HS3ST4: variants seen among roughly 807,000 people sequenced by gnomAD.
HS3ST4 encodes heparan sulfate-glucosamine 3-sulfotransferase 4.
Under a neutral mutation model 29.2 loss-of-function variants are expected in HS3ST4, and 17 were observed. That is an observed-to-expected ratio of 0.58 (90% CI 0.40 to 0.87). The LOEUF is 0.87. HS3ST4 is among the 40% of genes least tolerant of loss of function. HS3ST4 has a pLI of 0.00. For synonymous variants in HS3ST4, 314 were observed against 285.7 expected, an observed-to-expected ratio of 1.10 and a Z score of -1.00; for missense variants, 627 against 634.5, an observed-to-expected ratio of 0.99 and a Z score of 0.13.
chr16:25,877,091 C>G (rs1434602165), intron 1 of HS3ST4, among the ~76,000 whole-genome samples: 1 of 151,916 alleles, frequency 6.6e-6, no homozygotes, highest in Non-Finnish European at 1.5e-5. Context: ...TTTCCTGCAT[C>G]TTTCTTTGCT....
At chr16:26,117,801 A>G (rs1899219801) in intron 1 of HS3ST4, among the ~76,000 whole-genome samples, 1 of 152,208 alleles carries the variant, frequency 6.6e-6, no homozygotes. Flanking sequence ...TTAATCATTT[A>G]TTTGTTCACT....
chr16:26,002,396 T>C (rs1238806806), intron 1 of HS3ST4, among the ~76,000 whole-genome samples: 2 of 152,246 alleles, frequency 1.3e-5, no homozygotes, highest in Non-Finnish European at 2.9e-5. Context: ...AGTGGAAATA[T>C]ATGTCATGAG....
intron 1 of HS3ST4, among the ~76,000 whole-genome samples, chr16:25,762,701 T>A (rs759314007): frequency 2.7e-4 from 41 of 150,862 alleles, no homozygotes; most frequent in Non-Finnish European, 5.2e-4. Flanking sequence ...ACCCTGTCCC[T>A]ACTAAAACAA....
intron 1 of HS3ST4, among the ~76,000 whole-genome samples, chr16:26,084,470 C>G (rs935729722): frequency 5.3e-5 from 8 of 152,196 alleles, no homozygotes; most frequent in African/African-American, 1.4e-4. Context: ...AGCTCACATG[C>G]CAGCTAATCT....
intron 1 of HS3ST4, among the ~76,000 whole-genome samples, chr16:26,028,272 CA>C (rs57920476): frequency 0.017 from 829 of 48,616 alleles, 1 homozygote; most frequent in African/African-American, 0.047. Context: ...GACACCGTCT[CA>C]AAAAAAAAAA....
At position 25,813,330 on chromosome 16, in the gene HS3ST4, T is replaced by G. The variant is rs1268414873; in HGVS notation, c.734+120179T>G. ...GGATGTGGAGCAACTGGGCGGAACA[T>G]TAACATTGCTTGGGCCGGGTGCGGT... On this transcript the variant is annotated intron_variant, in intron 1 of 1. Coordinates refer to ENST00000331351, the MANE Select transcript of HS3ST4 (RefSeq NM_006040.3). Among the ~76,000 whole-genome samples the G allele has an allele frequency of 2.6e-5, 4 of 152,210 alleles. No homozygotes were observed. In the South Asian group the frequency reaches 8.3e-4, roughly 32 times the overall value.
intron 1 of HS3ST4, among the ~76,000 whole-genome samples, chr16:26,123,998 G>A (rs1053905695): frequency 2.0e-5 from 3 of 151,126 alleles, no homozygotes; most frequent in African/African-American, 4.9e-5. Flanking sequence ...TCAGCTTACC[G>A]CAACTTGCGG....
chr16:25,779,402 G>T (rs1966850640), intron 1 of HS3ST4, among the ~76,000 whole-genome samples: 1 of 152,202 alleles, frequency 6.6e-6, no homozygotes, highest in Non-Finnish European at 1.5e-5. Flanking sequence ...GGCTGAGTAG[G>T]ATCCAAGGCT....
chr16:25,890,950 C>T (rs756862491), intron 1 of HS3ST4, among the ~76,000 whole-genome samples: 1 of 152,034 alleles, frequency 6.6e-6, no homozygotes, highest in Non-Finnish European at 1.5e-5. Context: ...ATGGGGCTGG[C>T]TGGGAAGGGA....
intron 1 of HS3ST4, among the ~76,000 whole-genome samples, chr16:26,091,103 CA>C (rs1488412318): frequency 6.6e-6 from 1 of 152,100 alleles, no homozygotes; most frequent in Non-Finnish European, 1.5e-5. Context: ...TAAGGTAGAC[CA>C]AAGAAAGAAG....
intron 1 of HS3ST4, among the ~76,000 whole-genome samples, chr16:26,079,022 T>C (rs1898696896): frequency 6.6e-6 from 1 of 152,188 alleles, no homozygotes; most frequent in South Asian, 2.1e-4. Context: ...TTGTGGTGCT[T>C]GGCAGGAAGA....
At chr16:26,071,150 G>C (rs1448759941) in intron 1 of HS3ST4, among the ~76,000 whole-genome samples, 4 of 151,368 alleles carry the variant, frequency 2.6e-5, no homozygotes, top group Non-Finnish European at 5.9e-5. Context: ...AGCCCTATAG[G>C]CGTCCCTACA....
At chr16:25,936,274 T>G (rs573230234) in intron 1 of HS3ST4, among the ~76,000 whole-genome samples, 116 of 152,334 alleles carry the variant, frequency 7.6e-4, no homozygotes, top group African/African-American at 2.8e-3. Context: ...TCCTACTAAG[T>G]GATTTGGTGG....
intron 1 of HS3ST4, among the ~76,000 whole-genome samples, chr16:25,857,899 T>TCTTTCTTC (rs1967591528): frequency 1.1e-5 from 1 of 93,658 alleles, no homozygotes; most frequent in Non-Finnish European, 2.2e-5. Context: ...TCTTTTTCTT[T>TCTTTCTTC]CTTCCTTCCT....
intron 1 of HS3ST4, among the ~76,000 whole-genome samples, chr16:25,844,300 A>G (rs931268726): frequency 5.9e-5 from 9 of 152,206 alleles, no homozygotes; most frequent in Non-Finnish European, 1.0e-4. Context: ...CAAAATTGGG[A>G]TCATGCATTC....
intron 1 of HS3ST4, among the ~76,000 whole-genome samples, chr16:25,765,630 C>T (rs1321175888): frequency 6.6e-6 from 1 of 152,150 alleles, no homozygotes; most frequent in African/African-American, 2.4e-5. Flanking sequence ...CCTGCCTGGG[C>T]TCCTGGCTTC....
At chr16:25,940,447 T>A (rs542147719) in intron 1 of HS3ST4, among the ~76,000 whole-genome samples, 1 of 152,244 alleles carries the variant, frequency 6.6e-6, no homozygotes, top group African/African-American at 2.4e-5. Context: ...GCCCAAGATG[T>A]CAAGGCAAAG....
chr16:26,004,532 T>C (rs1969240014), intron 1 of HS3ST4, among the ~76,000 whole-genome samples: 1 of 152,188 alleles, frequency 6.6e-6, no homozygotes, highest in African/African-American at 2.4e-5. Context: ...AGCAGGCACT[T>C]AAATGCTATG....
chr16:26,001,501 A>G (rs532985972), intron 1 of HS3ST4, among the ~76,000 whole-genome samples: 1 of 152,242 alleles, frequency 6.6e-6, no homozygotes, highest in East Asian at 1.9e-4. Flanking sequence ...TTTAAAAAAT[A>G]TTTGGGTTTA....
Sources: gnomAD v4.1 joint callset for allele counts (sites outside exome capture counted in the v4.1 genomes callset) on GRCh38, gnomAD v4.1.1 for gene constraint, MANE v1.5 for transcripts, NCBI Gene and HGNC (gene_info 2026-07-23, HGNC 2026-07-21) for gene names.